The following TAFA1 variants were observed in gnomAD, a reference collection of about 807,000 sequenced individuals.
TAFA1 encodes chemokine-like protein TAFA-1.
In TAFA1, 4 loss-of-function variants were observed where a neutral mutation model predicts 18.5. The ratio of observed to expected loss-of-function variants is 0.22; its 90% CI spans 0.11 to 0.49. TAFA1 has a LOEUF of 0.49. TAFA1 is among the 20% of genes least tolerant of loss of function. The probability of loss-of-function intolerance (pLI) is 0.98; values close to 1 mark genes in which losing one functional copy is unlikely to be tolerated. For missense variants in TAFA1, 147 were observed against 169.0 expected, an observed-to-expected ratio of 0.87 and a Z score of 0.72; for synonymous variants, 56 against 55.2, an observed-to-expected ratio of 1.01 and a Z score of -0.06.
intron 2 of TAFA1, among the ~76,000 whole-genome samples, chr3:68,303,670 T>C (rs1053216113): frequency 1.4e-4 from 22 of 152,052 alleles, no homozygotes; most frequent in African/African-American, 4.3e-4. Context: ...GGGATGGTCT[T>C]GATCTCCTGA....
intron 2 of TAFA1, among the ~76,000 whole-genome samples, chr3:68,396,817 G>C (rs147387274): frequency 6.6e-6 from 1 of 152,072 alleles, no homozygotes; most frequent in Non-Finnish European, 1.5e-5. Context: ...CTTTCATCAC[G>C]TTATTTTACC....
intron 2 of TAFA1, among the ~76,000 whole-genome samples, chr3:68,183,131 A>C (rs1355240942): frequency 6.6e-6 from 1 of 152,102 alleles, no homozygotes; most frequent in Non-Finnish European, 1.5e-5. Flanking sequence ...CTTTGGGTGA[A>C]ATGGTGGTTT....
intron 2 of TAFA1, among the ~76,000 whole-genome samples, chr3:68,200,068 A>G (rs1022586736): frequency 1.6e-4 from 24 of 151,580 alleles, no homozygotes; most frequent in African/African-American, 5.8e-4. Context: ...GATTTTATTG[A>G]ATGCTTTTTC....
chr3:68,023,740 AGT>A (rs938481315), intron 2 of TAFA1, among the ~76,000 whole-genome samples: 1 of 152,130 alleles, frequency 6.6e-6, no homozygotes, highest in Non-Finnish European at 1.5e-5. Flanking sequence ...GGAATAATCC[AGT>A]GTGTGAATCA....
intron 2 of TAFA1, among the ~76,000 whole-genome samples, chr3:68,340,590 T>C (rs1306538638): frequency 6.6e-6 from 1 of 151,934 alleles, no homozygotes; most frequent in Non-Finnish European, 1.5e-5. Context: ...TGGGCACATA[T>C]TCTGTGTATT....
chr3:68,455,353 G>A (rs777873074), intron 3 of TAFA1, among the ~76,000 whole-genome samples: 2 of 151,954 alleles, frequency 1.3e-5, no homozygotes, highest in Non-Finnish European at 2.9e-5. Flanking sequence ...TTTGTCTGAT[G>A]TTTTTGCTTT....
chr3:68,211,553 A>G (rs1184595060), intron 2 of TAFA1, among the ~76,000 whole-genome samples: 12 of 152,084 alleles, frequency 7.9e-5, no homozygotes. Context: ...CATATAGTCT[A>G]GAGTGGAGAA....
At chr3:68,418,695 T>C in intron 3 of TAFA1, among the ~76,000 whole-genome samples, 2 of 152,290 alleles carry the variant, frequency 1.3e-5, no homozygotes, top group Middle Eastern at 3.4e-3. Context: ...AATGAGCACT[T>C]ACTGTATTCC....
At chr3:68,152,828 A>G (rs1416522954) in intron 2 of TAFA1, among the ~76,000 whole-genome samples, 1 of 152,070 alleles carries the variant, frequency 6.6e-6, no homozygotes, top group Non-Finnish European at 1.5e-5. Flanking sequence ...TTCCTTGAGA[A>G]GTCCTAGGGA....
intron 3 of TAFA1, among the ~76,000 whole-genome samples, chr3:68,458,645 G>T (rs1020216971): frequency 2.0e-5 from 3 of 152,206 alleles, no homozygotes; most frequent in Non-Finnish European, 4.4e-5. Context: ...TTCTCAACAG[G>T]AAATAAATAA....
At chr3:68,403,796 C>A (rs914973772) in intron 2 of TAFA1, among the ~76,000 whole-genome samples, 15 of 152,166 alleles carry the variant, frequency 9.9e-5, no homozygotes, top group African/African-American at 3.1e-4. Flanking sequence ...GCTGCCACAC[C>A]AGCAGGAAGA....
intron 2 of TAFA1, among the ~76,000 whole-genome samples, chr3:68,141,430 A>T (rs1258908799): frequency 6.6e-6 from 1 of 152,148 alleles, no homozygotes; most frequent in Non-Finnish European, 1.5e-5. Flanking sequence ...TAAGAGAGAG[A>T]ACTCAGGTCG....
At chr3:68,495,852 A>T (rs1246754313) in intron 3 of TAFA1, among the ~76,000 whole-genome samples, 3 of 152,172 alleles carry the variant, frequency 2.0e-5, no homozygotes, top group Non-Finnish European at 4.4e-5. Flanking sequence ...AGGCAATGCC[A>T]AACTTCCTTC....
intron 2 of TAFA1, among the ~76,000 whole-genome samples, chr3:68,007,200 C>T (rs1704373177): frequency 6.6e-6 from 1 of 152,206 alleles, no homozygotes; most frequent in African/African-American, 2.4e-5. Context: ...CTATTTCTTG[C>T]CTGGTTTAAT....
chr3:68,298,402 G>T (rs918359402), intron 2 of TAFA1, among the ~76,000 whole-genome samples: 2 of 152,142 alleles, frequency 1.3e-5, no homozygotes, highest in African/African-American at 2.4e-5. Flanking sequence ...GACATCAAAA[G>T]AATGAAATGA....
At chr3:68,245,053 G>T (rs1370593465) in intron 2 of TAFA1, among the ~76,000 whole-genome samples, 1 of 152,142 alleles carries the variant, frequency 6.6e-6, no homozygotes, top group Admixed American at 6.5e-5. Flanking sequence ...TGTATAGTCA[G>T]GACCGATGAC....
chr3:68,480,118 C>T (rs575513461), intron 3 of TAFA1, among the ~76,000 whole-genome samples: 27 of 151,858 alleles, frequency 1.8e-4, no homozygotes, highest in South Asian at 1.0e-3. Flanking sequence ...GTTGGCTGGG[C>T]GCAGTGGCTC....
At chr3:68,075,313 G>A (rs1027875246) in intron 2 of TAFA1, among the ~76,000 whole-genome samples, 55 of 152,216 alleles carry the variant, frequency 3.6e-4, no homozygotes, top group African/African-American at 1.3e-3. Flanking sequence ...TAGACTATTT[G>A]TGACCTTCAA....
intron 3 of TAFA1, among the ~76,000 whole-genome samples, chr3:68,471,619 T>C (rs1273678743): frequency 6.6e-6 from 1 of 152,136 alleles, no homozygotes; most frequent in Non-Finnish European, 1.5e-5. Flanking sequence ...CAGTCCAGTG[T>C]TTCTATGACT....
Sources: allele counts gnomAD v4.1 joint callset (sites outside exome capture counted in the v4.1 genomes callset), GRCh38; gene constraint gnomAD v4.1.1; transcripts MANE v1.5; gene names NCBI Gene and HGNC (gene_info 2026-07-23, HGNC 2026-07-21).